Variants in CDH1 observed in about 807,000 individuals in gnomAD.
CDH1 encodes the protein cadherin 1, also known as cadherin-1.
Under a neutral mutation model 84.5 loss-of-function variants are expected in CDH1, and 35 were observed. That is an observed-to-expected ratio of 0.41 (90% CI 0.32 to 0.55). The LOEUF is 0.55. CDH1 is among the 20% of genes least tolerant of loss of function. The pLI, the probability that CDH1 is intolerant of heterozygous loss-of-function variation, is 0.19. For missense variants in CDH1, 994 were observed against 1,126.6 expected (o/e 0.88, Z 1.68); for synonymous variants, 417 against 439.0 (o/e 0.95, Z 0.63).
At chr16:68,806,686 G>T (rs1242435728) in intron 3 of CDH1, among the ~76,000 whole-genome samples, 2 of 152,144 alleles carry the variant, frequency 1.3e-5, no homozygotes, top group East Asian at 3.9e-4. Context: ...CCCCATTTCA[G>T]ACATTAGGAA....
At chr16:68,756,990 G>A (rs989740827) in intron 2 of CDH1, among the ~76,000 whole-genome samples, 1 of 152,150 alleles carries the variant, frequency 6.6e-6, no homozygotes, top group Non-Finnish European at 1.5e-5. Context: ...GTGACAGAGC[G>A]AGACGCTCTC....
chr16:68,737,335 A>G lies in CDH1; in HGVS notation c.-81A>G. The G allele has an allele frequency of 8.4e-7, 1 of 1,192,706 alleles. No homozygotes were observed. The highest frequency in any genetic ancestry group is 1.4e-5 in the South Asian group (1 of 71,596). 73.9% of individuals were successfully genotyped at this position (1,192,706 alleles called of 1,614,324 possible). A position where few individuals can be genotyped will look rare whatever the true frequency, so the allele number is the denominator to read the frequency against. On this transcript the variant is annotated 5_prime_UTR_variant, in exon 1 of 16. Transcript: ENST00000261769. The stretch of plus-strand genomic sequence containing the variant: ...AAGCACCTGTGAGCTTGCGGAAGTC[A>G]GTTCAGACTCCAGCCCGCTCCAGCC...
chr16:68,823,036 C>T, intron 12 of CDH1: 1 of 297,412 alleles, frequency 3.4e-6, no homozygotes, highest in Non-Finnish European at 6.3e-6. Context: ...ACCTGACCAA[C>T]CTTCACAGGC....
intron 2 of CDH1, among the ~76,000 whole-genome samples, chr16:68,749,439 G>T (rs1303619471): frequency 6.6e-6 from 1 of 152,184 alleles, no homozygotes; most frequent in Non-Finnish European, 1.5e-5. Flanking sequence ...CCTTAATCTT[G>T]TGTCAATAGA....
intron 2 of CDH1, among the ~76,000 whole-genome samples, chr16:68,782,146 C>A (rs1205151329): frequency 6.6e-6 from 1 of 151,814 alleles, no homozygotes; most frequent in Non-Finnish European, 1.5e-5. Flanking sequence ...TCCACAGGCA[C>A]CCCCCACAGG....
chr16:68,754,069 A>AG (rs1962957724), intron 2 of CDH1, among the ~76,000 whole-genome samples: 1 of 151,194 alleles, frequency 6.6e-6, no homozygotes, highest in African/African-American at 2.4e-5. Flanking sequence ...CAGTGAGCCA[A>AG]GTGAGCCATT....
chr16:68,740,814 G>A (rs899909046), intron 2 of CDH1, among the ~76,000 whole-genome samples: 13 of 152,146 alleles, frequency 8.5e-5, no homozygotes, highest in African/African-American at 3.1e-4. Flanking sequence ...AACGTTAGGA[G>A]GGTGGGCACT....
chr16:68,806,151 T>A (rs1442788131), intron 3 of CDH1, among the ~76,000 whole-genome samples: 1 of 134,710 alleles, frequency 7.4e-6, no homozygotes, highest in African/African-American at 2.6e-5. Flanking sequence ...TTTATTTATT[T>A]ATTTATTTAT....
chr16:68,779,021 GT>G (rs1440837898), intron 2 of CDH1, among the ~76,000 whole-genome samples: 3 of 152,106 alleles, frequency 2.0e-5, no homozygotes, highest in African/African-American at 7.2e-5. Context: ...GGCCTTTCAG[GT>G]TTTGTCAGGG....
At chr16:68,814,607 A>G (rs899946893) in intron 9 of CDH1, 1 of 152,082 alleles carries the variant, frequency 6.6e-6, no homozygotes, top group Non-Finnish European at 1.5e-5. Context: ...AAGAAGTACT[A>G]TCTGCTTTAA....
chr16:68,822,191 G>T lies in CDH1; in HGVS notation c.1902G>T (p.Ala634=). The T allele has an allele frequency of 6.2e-7, 1 of 1,614,032 alleles. No homozygotes were observed. Among genetic ancestry groups the T allele is most frequent in the Non-Finnish European group, 8.5e-7 (1 of 1,179,990 alleles). The change falls in exon 12 of 16, where the codon GCG becomes GCT. Residue 634 remains alanine, a synonymous_variant. Transcript: ENST00000261769. ...SPFTAELTHG[A]SANWTIQYND... is the part of the protein sequence containing the mutation. ...TCACAGCAGAACTAACACACGGGGC[G>T]AGTGCCAACTGGACCATTCAGTACA...
intron 8 of CDH1, 65 bp from the exon 9 acceptor site, chr16:68,813,248 C>G (rs566043059): frequency 6.7e-7 from 1 of 1,496,086 alleles, no homozygotes; most frequent in African/African-American, 1.4e-5. Flanking sequence ...TCCTTTAGCC[C>G]CCTGAGACTC....
rs587782750 is a variant in CDH1 at position 68,822,210 on chromosome 16, C to T, written c.1921C>T (p.Gln641Ter). 6.2e-7 allele frequency: 1 copy of T among 1,613,902 alleles called. No individual in the cohort carries two copies. The highest frequency in any genetic ancestry group is 8.5e-7 in the Non-Finnish European group (1 of 1,179,828). Residue 641 changes from glutamine (Q) to a stop codon, truncating the protein, a stop_gained, in exon 12 of 16, where the codon CAG becomes TAG. Transcript: ENST00000261769. LOFTEE classifies it high-confidence loss of function. ...CGGGGCGAGTGCCAACTGGACCATT[C>T]AGTACAACGACCCAAGTGGGTACCT... ...THGASANWTI[Q>*]YNDPTQESII...
chr16:68,779,524 T>A (rs1424215216), intron 2 of CDH1, among the ~76,000 whole-genome samples: 1 of 152,186 alleles, frequency 6.6e-6, no homozygotes, highest in Non-Finnish European at 1.5e-5. Flanking sequence ...TTGTGAAGAT[T>A]AACTGCAATT....
chr16:68,812,383 A>G, intron 8 of CDH1, 120 bp downstream of exon 8: 1 of 1,134,926 alleles, frequency 8.8e-7, no homozygotes, highest in Admixed American at 1.8e-5. Context: ...GAGAATGTTA[A>G]CTTTAAACTT....
intron 11 of CDH1, among the ~76,000 whole-genome samples, chr16:68,820,351 AAT>A (rs1491286999): frequency 1.4e-5 from 2 of 147,354 alleles, no homozygotes; most frequent in Admixed American, 1.5e-4. Context: ...TTTGCTGTTT[AAT>A]TTTTTTTTTT....
chr16:68,751,578 C>T (rs1198442764), intron 2 of CDH1, among the ~76,000 whole-genome samples: 1 of 152,186 alleles, frequency 6.6e-6, no homozygotes, highest in Non-Finnish European at 1.5e-5. Context: ...TCTCGGCTCA[C>T]TGCAACCTCT....
At chr16:68,815,945 G>A (rs767210697) in intron 10 of CDH1, among the ~76,000 whole-genome samples, 186 bp downstream of exon 10, 14 of 152,048 alleles carry the variant, frequency 9.2e-5, no homozygotes, top group Admixed American at 2.6e-4. Flanking sequence ...ACAGACAGCC[G>A]TTCTTGGTCT....
At chr16:68,782,507 C>T (rs1033096170) in intron 2 of CDH1, among the ~76,000 whole-genome samples, 2 of 152,198 alleles carry the variant, frequency 1.3e-5, no homozygotes, top group Non-Finnish European at 2.9e-5. Context: ...CTGAAGTTAA[C>T]ACAGCTAGTC....
Sources: gnomAD v4.1 joint callset for allele counts (sites outside exome capture counted in the v4.1 genomes callset) on GRCh38, gnomAD v4.1.1 for gene constraint, MANE v1.5 for transcripts, NCBI Gene and HGNC (gene_info 2026-07-23, HGNC 2026-07-21) for gene names.